Variants in GRIA4 observed in about 807,000 individuals in gnomAD.
GRIA4 encodes glutamate ionotropic receptor AMPA type subunit 4, also known as glutamate receptor 4.
Under a neutral mutation model 104.0 loss-of-function variants are expected in GRIA4, and 34 were observed. The ratio of observed to expected loss-of-function variants is 0.33; its 90% CI spans 0.25 to 0.44. GRIA4 has a LOEUF of 0.44. Ranked by LOEUF, GRIA4 falls within the 20% of genes least tolerant of loss-of-function variation. The pLI, the probability that GRIA4 is intolerant of heterozygous loss-of-function variation, is 1.00. For missense variants in GRIA4, 750 were observed against 1,096.5 expected (o/e 0.68, Z 4.46); for synonymous variants, 386 against 381.9 (o/e 1.01, Z -0.13).
At chr11:105,943,315 C>T (rs954313508) in intron 14 of GRIA4, among the ~76,000 whole-genome samples, 14 of 152,146 alleles carry the variant, frequency 9.2e-5, no homozygotes, top group African/African-American at 2.2e-4. Context: ...TGTATGCTGA[C>T]ATCAAATGTT....
At chr11:105,874,474 T>C (rs1289809660) in intron 5 of GRIA4, among the ~76,000 whole-genome samples, 1 of 152,202 alleles carries the variant, frequency 6.6e-6, no homozygotes, top group Non-Finnish European at 1.5e-5. Context: ...GGTAGCTTGA[T>C]GGAGATAGCA....
At chr11:105,940,667 A>T (rs1023286403) in intron 14 of GRIA4, among the ~76,000 whole-genome samples, 16 of 152,196 alleles carry the variant, frequency 1.1e-4, no homozygotes, top group Non-Finnish European at 1.9e-4. Flanking sequence ...GTACATCATA[A>T]GTAAATAATG....
intron 4 of GRIA4, among the ~76,000 whole-genome samples, chr11:105,759,923 C>T (rs1304338710): frequency 6.6e-6 from 1 of 152,054 alleles, no homozygotes; most frequent in East Asian, 1.9e-4. Context: ...AGTAGAGACT[C>T]TGTCTTGCTC....
chr11:105,763,578 GT>G (rs1940776354), intron 4 of GRIA4, among the ~76,000 whole-genome samples: 1 of 152,012 alleles, frequency 6.6e-6, no homozygotes, highest in South Asian at 2.1e-4. Flanking sequence ...TCTAAAGACC[GT>G]AGTCACAAGC....
intron 5 of GRIA4, among the ~76,000 whole-genome samples, chr11:105,863,378 GAAGA>G (rs911400366): frequency 2.1e-5 from 3 of 146,114 alleles, no homozygotes; most frequent in Non-Finnish European, 4.4e-5. Context: ...TCCCTTTGTA[GAAGA>G]AAAAGCTAAA....
intron 4 of GRIA4, among the ~76,000 whole-genome samples, chr11:105,846,674 A>G (rs183600382): frequency 6.6e-6 from 1 of 152,324 alleles, no homozygotes; most frequent in East Asian, 1.9e-4. Context: ...GGAAAACAAA[A>G]TTATTGATGT....
At chr11:105,679,651 T>C (rs925905927) in intron 3 of GRIA4, among the ~76,000 whole-genome samples, 2 of 152,156 alleles carry the variant, frequency 1.3e-5, no homozygotes, top group African/African-American at 2.4e-5. Context: ...ATGCATCTTA[T>C]GTTATATGAC....
intron 5 of GRIA4, among the ~76,000 whole-genome samples, chr11:105,885,847 C>A (rs1431744893): frequency 6.6e-6 from 1 of 152,174 alleles, no homozygotes; most frequent in Non-Finnish European, 1.5e-5. Flanking sequence ...ATAAAAGTGG[C>A]CTCAGGCCAG....
intron 4 of GRIA4, among the ~76,000 whole-genome samples, chr11:105,782,684 G>T (rs902672496): frequency 2.0e-5 from 3 of 152,136 alleles, no homozygotes; most frequent in Non-Finnish European, 4.4e-5. Context: ...AAGGGGTGTG[G>T]ACTTAAGCAC....
At chr11:105,695,478 C>CTGTGTG (rs368292284) in intron 3 of GRIA4, among the ~76,000 whole-genome samples, 13 of 135,250 alleles carry the variant, frequency 9.6e-5, no homozygotes, top group African/African-American at 3.1e-4. Flanking sequence ...GTGTGTGTGT[C>CTGTGTG]TGTGTGTGTG....
chr11:105,633,235 T>C (rs1417056881), intron 3 of GRIA4, among the ~76,000 whole-genome samples: 1 of 152,216 alleles, frequency 6.6e-6, no homozygotes, highest in Non-Finnish European at 1.5e-5. Context: ...ATTCAAAAGA[T>C]TCATTTTTAA....
intron 3 of GRIA4, among the ~76,000 whole-genome samples, chr11:105,628,187 T>C (rs1251271102): frequency 6.6e-6 from 1 of 152,140 alleles, no homozygotes; most frequent in Non-Finnish European, 1.5e-5. Context: ...TTATTCCTTC[T>C]CCTCAAAATA....
At chr11:105,911,167 A>C (rs940328401) in intron 10 of GRIA4, among the ~76,000 whole-genome samples, 1 of 152,112 alleles carries the variant, frequency 6.6e-6, no homozygotes, top group Non-Finnish European at 1.5e-5. Flanking sequence ...AGAAGTACAC[A>C]TTATAGTTTA....
intron 14 of GRIA4, among the ~76,000 whole-genome samples, chr11:105,957,549 C>T (rs1479522870): frequency 6.6e-6 from 1 of 152,146 alleles, no homozygotes; most frequent in South Asian, 2.1e-4. Context: ...TAGTGTGATG[C>T]CTCCAGCTTT....
chr11:105,933,600 G>A (rs1947947018), intron 13 of GRIA4, 122 bp from the exon 14 acceptor site: 1 of 662,020 alleles, frequency 1.5e-6, no homozygotes, highest in Non-Finnish European at 2.6e-6. Flanking sequence ...TTACTCTGTG[G>A]CAAATTGGAG....
chr11:105,965,928 T>C lies in GRIA4; in HGVS notation c.2295-5986T>C, dbSNP rs746752605. 1.2e-5 allele frequency: 18 copies of C among 1,511,886 alleles called. No individual in the cohort carries two copies. The South Asian group carries it at 1.6e-4, about 13-fold the overall frequency. The allele number at this position is 1,511,886 out of a possible 1,614,324, so 93.7% of individuals were successfully genotyped here. A position where few individuals can be genotyped will look rare whatever the true frequency, so the allele number is the denominator to read the frequency against. On this transcript the variant is annotated intron_variant, in intron 14 of 16. Coordinates refer to ENST00000282499, the MANE Select transcript of GRIA4 (RefSeq NM_000829.4). ...AACAGCTGTGCAGTTTCTTACAAAATATGTTTTATCGTTTCAAGAAATGCT... is the reference window on the plus strand; with the variant it reads ...AACAGCTGTGCAGTTTCTTACAAAACATGTTTTATCGTTTCAAGAAATGCT...
chr11:105,666,384 A>G (rs964783478), intron 3 of GRIA4, among the ~76,000 whole-genome samples: 15 of 152,004 alleles, frequency 9.9e-5, no homozygotes, highest in African/African-American at 3.6e-4. Flanking sequence ...TAAGGAAAAG[A>G]CAAGTAAATT....
intron 9 of GRIA4, among the ~76,000 whole-genome samples, chr11:105,905,996 T>C (rs1947029341): frequency 6.6e-6 from 1 of 152,226 alleles, no homozygotes; most frequent in Non-Finnish European, 1.5e-5. Context: ...ACTCATGTAA[T>C]TTTTAACATT....
rs564595959 is a variant in GRIA4 at position 105,701,195 on chromosome 11, T to C, written c.248-51786T>C. 9.8e-5 allele frequency among the ~76,000 whole-genome samples: 15 copies of C among 152,324 alleles called. No homozygotes were observed. The East Asian group carries it at 2.9e-3, about 29-fold the overall frequency. On this transcript the variant is annotated intron_variant, in intron 3 of 16. Coordinates refer to ENST00000282499, the MANE Select transcript of GRIA4 (RefSeq NM_000829.4). ...TGCTGTTGTCATTCCTTTCATAGGA[T>C]TTGCCACACAGTGATGAAATTGCTT...
Sources: allele counts gnomAD v4.1 joint callset (sites outside exome capture counted in the v4.1 genomes callset), GRCh38; gene constraint gnomAD v4.1.1; transcripts MANE v1.5; gene names NCBI Gene and HGNC (gene_info 2026-07-23, HGNC 2026-07-21).